The following KCNMA1 variants were observed in gnomAD, a reference collection of about 807,000 sequenced individuals.
KCNMA1 encodes Calcium-activated potassium channel subunit alpha-1.
KCNMA1 carries 29 observed loss-of-function variants against 140.0 expected under a neutral mutation model. That is an observed-to-expected ratio of 0.21 (90% confidence interval 0.15 to 0.28). KCNMA1 has a LOEUF of 0.28. Among genes scored for constraint, KCNMA1 ranks in the 10% least tolerant of loss-of-function variants. The probability of loss-of-function intolerance (pLI) is 1.00; values close to 1 mark genes in which losing one functional copy is unlikely to be tolerated. For synonymous variants in KCNMA1, 612 were observed against 611.9 expected (o/e 1.00, Z 0.00); for missense variants, 880 against 1,602.2 (o/e 0.55, Z 7.70).
chr10:77,098,808 A>G (rs1337065926), intron 9 of KCNMA1, among the ~76,000 whole-genome samples: 2 of 151,954 alleles, frequency 1.3e-5, no homozygotes, highest in Non-Finnish European at 2.9e-5. Context: ...TTTCTTCAGT[A>G]AGCAATTCCA....
At chr10:77,203,361 C>A (rs2043031093) in intron 3 of KCNMA1, among the ~76,000 whole-genome samples, 1 of 152,180 alleles carries the variant, frequency 6.6e-6, no homozygotes. Flanking sequence ...CACACCCATG[C>A]TATTCCCTTG....
intron 24 of KCNMA1, chr10:76,911,867 A>AGG (rs2050435423): frequency 6.6e-6 from 1 of 152,202 alleles, no homozygotes; most frequent in South Asian, 2.1e-4. Flanking sequence ...ATATGGAAGA[A>AGG]TGCAGTTTTA....
chr10:76,992,908 T>A (rs1351079883), intron 19 of KCNMA1, among the ~76,000 whole-genome samples: 1 of 152,154 alleles, frequency 6.6e-6, no homozygotes, highest in East Asian at 1.9e-4. Context: ...AAAACTACAG[T>A]GGATTTTCAG....
At chr10:77,369,555 A>G (rs562355727) in intron 2 of KCNMA1, among the ~76,000 whole-genome samples, 1 of 152,300 alleles carries the variant, frequency 6.6e-6, no homozygotes, top group South Asian at 2.1e-4. Flanking sequence ...TCCTTTGAGG[A>G]TAGAGGTTAC....
intron 1 of KCNMA1, among the ~76,000 whole-genome samples, chr10:77,620,849 A>C (rs912984423): frequency 1.4e-4 from 21 of 152,178 alleles, no homozygotes; most frequent in African/African-American, 5.1e-4. Flanking sequence ...AGAAAAGACA[A>C]TGTATATGGG....
intron 23 of KCNMA1, among the ~76,000 whole-genome samples, chr10:76,917,806 T>C (rs1003135552): frequency 6.6e-6 from 1 of 152,196 alleles, no homozygotes; most frequent in Admixed American, 6.5e-5. Flanking sequence ...TGTAGAGTTA[T>C]GTTAAAGGTG....
At chr10:77,413,373 T>G (rs1225571511) in intron 1 of KCNMA1, among the ~76,000 whole-genome samples, 1 of 151,994 alleles carries the variant, frequency 6.6e-6, no homozygotes, top group South Asian at 2.1e-4. Context: ...CCCCCTCCCA[T>G]GCCAAAGAGG....
At position 76,944,800 on chromosome 10, in the gene KCNMA1, T is replaced by C; in HGVS notation, c.2875A>G (p.Ile959Val). 1.2e-6 allele frequency: 2 copies of C among 1,614,200 alleles called. No individual in the cohort carries two copies. The highest frequency in any genetic ancestry group is 1.1e-5 in the South Asian group (1 of 91,088). ...NIKSMQFDDSIGVLQANSQGF... is the reference protein window; with the variant it reads ...NIKSMQFDDSVGVLQANSQGF... ...TGGGAATTAGCCTGCAAGACTCCGA[T>C]GCTGTCATCAAACTGCATAGATTTG... is the stretch of plus-strand genomic sequence containing the variant. The change falls in exon 23 of 28, where the codon ATC becomes GTC. Residue 959 changes from isoleucine (I) to valine (V), a missense_variant. Transcript: ENST00000286628.
At chr10:77,287,893 C>G (rs1193771318) in intron 2 of KCNMA1, among the ~76,000 whole-genome samples, 1 of 152,210 alleles carries the variant, frequency 6.6e-6, no homozygotes, top group African/African-American at 2.4e-5. Context: ...CACTTGTCAT[C>G]ACTAAGCCAG....
intron 2 of KCNMA1, among the ~76,000 whole-genome samples, chr10:77,376,948 A>AATATATACATAC (rs139166652): frequency 2.0e-5 from 3 of 148,314 alleles, no homozygotes; most frequent in African/African-American, 7.5e-5. Context: ...AAAATAAATA[A>AATATATACATAC]ATACATACAT....
intron 1 of KCNMA1, among the ~76,000 whole-genome samples, chr10:77,421,153 A>G (rs2096858585): frequency 6.6e-6 from 1 of 152,244 alleles, no homozygotes; most frequent in African/African-American, 2.4e-5. Context: ...ACATTCTTGC[A>G]TTCCTTCAAT....
chr10:77,196,175 T>A (rs908308629), intron 3 of KCNMA1, among the ~76,000 whole-genome samples: 3 of 152,146 alleles, frequency 2.0e-5, no homozygotes, highest in Non-Finnish European at 4.4e-5. Flanking sequence ...GTGAGAGGCC[T>A]AGGATGGCCC....
At chr10:77,167,135 C>T (rs1309678654) in intron 5 of KCNMA1, among the ~76,000 whole-genome samples, 1 of 152,140 alleles carries the variant, frequency 6.6e-6, no homozygotes. Flanking sequence ...TCCTTCCTAC[C>T]CTTCCCTGCC....
chr10:77,037,701 A>G (rs1441032093), intron 15 of KCNMA1, among the ~76,000 whole-genome samples: 1 of 152,216 alleles, frequency 6.6e-6, no homozygotes, highest in Non-Finnish European at 1.5e-5. Flanking sequence ...CCTCACCAAC[A>G]TAAGACTCCC....
At chr10:76,995,707 C>T in intron 19 of KCNMA1, 1 of 470,336 alleles carries the variant, frequency 2.1e-6, no homozygotes, top group South Asian at 1.6e-5. Context: ...GAGAACCGGC[C>T]ACTGTCCTGA....
Position 76,999,567 on chromosome 10 carries a change from A to T in KCNMA1, c.2266+1840T>A, listed in dbSNP as rs1033495693. On this transcript the variant is annotated intron_variant, in intron 19 of 27. Coordinates refer to ENST00000286628, the MANE Select transcript of KCNMA1 (RefSeq NM_001161352.2). The stretch of plus-strand genomic sequence containing the variant: ...CTTTGAACTTGGTGTCTTGCTGCAC[A>T]TCGTAGACAGACAAGTTCTCTGTGC... 2.0e-5 allele frequency among the ~76,000 whole-genome samples: 3 copies of T among 152,172 alleles called. No individual in the cohort carries two copies. In the East Asian group the frequency reaches 5.8e-4, roughly 29 times the overall value.
chr10:77,189,787 G>A (rs533127803), intron 3 of KCNMA1, among the ~76,000 whole-genome samples: 6 of 152,102 alleles, frequency 3.9e-5, no homozygotes, highest in Non-Finnish European at 8.8e-5. Context: ...CAGGCCCACA[G>A]CACCACAGAC....
chr10:77,215,407 C>CTGTT (rs2047410580), intron 3 of KCNMA1, among the ~76,000 whole-genome samples: 1 of 132,934 alleles, frequency 7.5e-6, no homozygotes, highest in African/African-American at 2.8e-5. Context: ...TTTATTTTTG[C>CTGTT]TTTTTTTTTT....
chr10:77,064,738 T>C (rs1432790449), intron 14 of KCNMA1, among the ~76,000 whole-genome samples: 1 of 152,104 alleles, frequency 6.6e-6, no homozygotes, highest in African/African-American at 2.4e-5. Context: ...CTAAGTAGGG[T>C]GAAAAGCGGG....
Sources: allele counts gnomAD v4.1 joint callset (sites outside exome capture counted in the v4.1 genomes callset), GRCh38; gene constraint gnomAD v4.1.1; transcripts MANE v1.5; gene names NCBI Gene and HGNC (gene_info 2026-07-23, HGNC 2026-07-21).